LMBR1: variants seen among roughly 807,000 people sequenced by gnomAD.
LMBR1 encodes limb region 1 protein homolog.
A neutral mutation model predicts 73.9 loss-of-function variants in LMBR1; 52 were observed. The observed-to-expected ratio is 0.70, with a 90% CI of 0.56 to 0.89. The LOEUF is 0.89. LMBR1 is among the 40% of genes least tolerant of loss of function. The pLI, the probability that LMBR1 is intolerant of heterozygous loss-of-function variation, is 0.00. For synonymous variants in LMBR1, 215 were observed against 209.4 expected (o/e 1.03, Z -0.23); for missense variants, 539 against 579.8 (o/e 0.93, Z 0.72).
intron 10 of LMBR1, 133 bp from the exon 11 acceptor site, chr7:156,728,853 T>TA (rs1221489192): frequency 1.5e-6 from 1 of 669,564 alleles, no homozygotes. Context: ...CTCCATAAAC[T>TA]AAAAAAACTA....
intron 1 of LMBR1, among the ~76,000 whole-genome samples, chr7:156,839,442 G>A (rs1838251858): frequency 6.6e-6 from 1 of 152,162 alleles, no homozygotes; most frequent in South Asian, 2.1e-4. Context: ...GGGTCAACAG[G>A]AGATCTCGTT....
rs758826194 is a variant in LMBR1, at chr7:156,703,079, C to T, written c.1226-14888G>A. On this transcript the variant is annotated intron_variant, in intron 15 of 16. Coordinates refer to ENST00000353442, the MANE Select transcript of LMBR1 (RefSeq NM_022458.4). ...TCCAGGCCATTGGAGAGCACCTTGA[C>T]TCTCCTAATCTCAGAATCACATTTA... 1.3e-3 allele frequency among the ~76,000 whole-genome samples: 202 copies of T among 152,328 alleles called. 1 individual carries two copies. Among genetic ancestry groups the T allele is most frequent in the Middle Eastern group, 3.4e-3 (1 of 294 alleles).
chr7:156,674,283 A>T (rs1803300446), downstream of LMBR1, among the ~76,000 whole-genome samples: 1 of 152,200 alleles, frequency 6.6e-6, no homozygotes, highest in Admixed American at 6.5e-5. Context: ...GAACACCCAG[A>T]AGAGACATGA....
intron 1 of LMBR1, among the ~76,000 whole-genome samples, chr7:156,888,307 G>C (rs1802285139): frequency 6.6e-6 from 1 of 151,724 alleles, no homozygotes; most frequent in Non-Finnish European, 1.5e-5. Context: ...CTACTCGGGA[G>C]GCTGAGGCAG....
At chr7:156,811,670 C>T (rs1333881283) in intron 4 of LMBR1, among the ~76,000 whole-genome samples, 1 of 152,140 alleles carries the variant, frequency 6.6e-6, no homozygotes, top group African/African-American at 2.4e-5. Flanking sequence ...CAGTTGCAGA[C>T]TCAAGGTAGG....
intron 1 of LMBR1, among the ~76,000 whole-genome samples, chr7:156,849,131 A>T (rs1263473068): frequency 6.6e-6 from 1 of 152,138 alleles, no homozygotes; most frequent in Non-Finnish European, 1.5e-5. Flanking sequence ...AGTAGAATGG[A>T]TAAAGAAAAT....
At chr7:156,686,977 G>C (rs1259592792) in intron 16 of LMBR1, among the ~76,000 whole-genome samples, 8 of 152,146 alleles carry the variant, frequency 5.3e-5, no homozygotes, top group African/African-American at 1.9e-4. Context: ...TTCCTGTCAG[G>C]CATTGCAATA....
intron 1 of LMBR1, among the ~76,000 whole-genome samples, chr7:156,877,770 C>A (rs892807424): frequency 2.0e-5 from 3 of 151,878 alleles, no homozygotes; most frequent in Non-Finnish European, 4.4e-5. Context: ...GTAGTCCCAG[C>A]TACTCGGGAG....
chr7:156,851,380 T>G (rs13238797), intron 1 of LMBR1, among the ~76,000 whole-genome samples: 9,372 of 152,278 alleles, frequency 0.062, 436 homozygotes, highest in Middle Eastern at 0.12. Context: ...AAGCAATGCT[T>G]CCTCACAGAA....
intron 4 of LMBR1, among the ~76,000 whole-genome samples, chr7:156,809,145 G>A (rs1419761400): frequency 2.6e-5 from 4 of 151,868 alleles, no homozygotes; most frequent in African/African-American, 2.4e-5. Context: ...ATATTCCCTC[G>A]GGTTTGTTTA....
At chr7:156,772,155 T>C (rs1275221726) in intron 5 of LMBR1, among the ~76,000 whole-genome samples, 1 of 151,978 alleles carries the variant, frequency 6.6e-6, no homozygotes, top group Non-Finnish European at 1.5e-5. Flanking sequence ...AAGCCTGTAA[T>C]CCCAGCTACT....
At chr7:156,839,614 C>CT (rs1838287355) in intron 1 of LMBR1, among the ~76,000 whole-genome samples, 1 of 152,114 alleles carries the variant, frequency 6.6e-6, no homozygotes, top group Non-Finnish European at 1.5e-5. Context: ...GGCCATATGA[C>CT]TGAGAACAAC....
At chr7:156,799,919 T>C (rs1784614240) in intron 4 of LMBR1, among the ~76,000 whole-genome samples, 1 of 152,188 alleles carries the variant, frequency 6.6e-6, no homozygotes, top group South Asian at 2.1e-4. Flanking sequence ...CAACATTCCC[T>C]AAAGCCACAG....
rs1427415180 is a variant in LMBR1 at position 156,670,295 on chromosome 7, A to G, written n.867-1008T>C. 1.3e-5 allele frequency among the ~76,000 whole-genome samples: 2 copies of G among 152,182 alleles called. No homozygotes were observed. The highest frequency in any genetic ancestry group is 2.9e-5 in the Non-Finnish European group (2 of 68,022). On this transcript the variant is annotated intron_variant and non_coding_transcript_variant, in intron 4 of 4. Transcript: ENST00000430825. The surrounding 1 kb of genome is among the most constrained non-coding windows in gnomAD (Gnocchi z 4.3). ...TGACTTTGGCTCTTGATACACACACATTCTAGTCAGGCCCTGCCTTCAGCT... is the reference window on the plus strand; with the variant it reads ...TGACTTTGGCTCTTGATACACACACGTTCTAGTCAGGCCCTGCCTTCAGCT...
intron 1 of LMBR1, among the ~76,000 whole-genome samples, chr7:156,874,587 A>G (rs1799881191): frequency 6.6e-6 from 1 of 152,254 alleles, no homozygotes; most frequent in African/African-American, 2.4e-5. Context: ...GCAGTTATCG[A>G]CAGCTGAGAG....
At chr7:156,859,501 G>A (rs1014107874) in intron 1 of LMBR1, among the ~76,000 whole-genome samples, 1 of 151,732 alleles carries the variant, frequency 6.6e-6, no homozygotes. Context: ...AAGGATGCAG[G>A]ATAAAAAGTT....
intron 1 of LMBR1, among the ~76,000 whole-genome samples, chr7:156,858,168 G>A (rs1379350601): frequency 1.4e-5 from 2 of 146,814 alleles, no homozygotes; most frequent in African/African-American, 5.0e-5. Context: ...TCATCAAAAA[G>A]TGCAATAAAA....
intron 6 of LMBR1, 109 bp downstream of exon 6, chr7:156,763,560 A>T (rs1298615088): frequency 2.3e-6 from 2 of 881,010 alleles, no homozygotes; most frequent in Non-Finnish European, 3.3e-6. Flanking sequence ...AACATCAAAC[A>T]TCTTTGTTAA....
At chr7:156,696,546 T>C (rs933194443) in intron 15 of LMBR1, among the ~76,000 whole-genome samples, 26 of 152,286 alleles carry the variant, frequency 1.7e-4, no homozygotes, top group Admixed American at 5.2e-4. Context: ...CTCACAGTCA[T>C]GGCAGAGGGC....
Sources: allele counts gnomAD v4.1 joint callset (sites outside exome capture counted in the v4.1 genomes callset), GRCh38; gene constraint gnomAD v4.1.1; non-coding constraint Gnocchi (gnomAD v3.1); transcripts MANE v1.5; gene names NCBI Gene and HGNC (gene_info 2026-07-23, HGNC 2026-07-21).